Variants in RPS6KA5 observed in about 807,000 individuals in gnomAD.
RPS6KA5 encodes the protein ribosomal protein S6 kinase alpha-5.
Under a neutral mutation model 85.5 loss-of-function variants are expected in RPS6KA5, and 27 were observed. The ratio of observed to expected loss-of-function variants is 0.32; its 90% CI spans 0.23 to 0.44. The LOEUF is 0.44. Ranked by LOEUF, RPS6KA5 falls within the 20% of genes least tolerant of loss-of-function variation. RPS6KA5 has a pLI of 1.00. For synonymous variants in RPS6KA5, 334 were observed against 348.2 expected, an observed-to-expected ratio of 0.96 and a Z score of 0.46; for missense variants, 811 against 980.9, an observed-to-expected ratio of 0.83 and a Z score of 2.31.
chr14:90,951,286 A>T (rs2038170585), intron 3 of RPS6KA5, among the ~76,000 whole-genome samples: 1 of 152,080 alleles, frequency 6.6e-6, no homozygotes, highest in South Asian at 2.1e-4. Flanking sequence ...GATCGAGACC[A>T]TCCTGGCTAA....
chr14:91,049,705 T>C lies in RPS6KA5; in HGVS notation c.103+10627A>G, dbSNP rs957018138. On this transcript the variant is annotated intron_variant, in intron 1 of 16. Coordinates refer to ENST00000614987, the MANE Select transcript of RPS6KA5 (RefSeq NM_004755.4). Reference sequence around the variant, plus strand: ...ATATTCAGTATGCGTTGCTTAACAATGAGAACATGTTCTGAGAAACATCAT... The same window carrying C: ...ATATTCAGTATGCGTTGCTTAACAACGAGAACATGTTCTGAGAAACATCAT... 5.9e-5 allele frequency among the ~76,000 whole-genome samples: 9 copies of C among 152,270 alleles called. No individual in the cohort carries two copies. The South Asian group carries it at 6.2e-4, about 11-fold the overall frequency.
chr14:90,947,771 A>C (rs904861247), intron 3 of RPS6KA5, among the ~76,000 whole-genome samples: 3 of 152,226 alleles, frequency 2.0e-5, no homozygotes, highest in Non-Finnish European at 4.4e-5. Context: ...GTTTGCAAAG[A>C]GTATTGCCAT....
chr14:90,875,817 C>A (rs549521420), intron 14 of RPS6KA5, among the ~76,000 whole-genome samples: 113 of 149,742 alleles, frequency 7.5e-4, no homozygotes, highest in African/African-American at 2.6e-3. Context: ...AAACCAAACA[C>A]CACATGTTCT....
intron 14 of RPS6KA5, among the ~76,000 whole-genome samples, chr14:90,879,272 C>T (rs1278885702): frequency 1.4e-5 from 2 of 144,934 alleles, no homozygotes; most frequent in African/African-American, 4.9e-5. Context: ...AACGTGCTTA[C>T]ACACATGTCA....
At chr14:90,881,375 C>T (rs767127345) in intron 14 of RPS6KA5, among the ~76,000 whole-genome samples, 3 of 150,980 alleles carry the variant, frequency 2.0e-5, no homozygotes, top group Non-Finnish European at 4.4e-5. Context: ...ATTGCCTGAA[C>T]TCGGGAGGCA....
intron 1 of RPS6KA5, among the ~76,000 whole-genome samples, chr14:91,009,605 T>C (rs1320261936): frequency 6.6e-6 from 1 of 152,084 alleles, no homozygotes; most frequent in African/African-American, 2.4e-5. Flanking sequence ...ATCTAAAGCA[T>C]AAGAAATGCA....
chr14:90,998,081 T>C (rs1009955973), intron 2 of RPS6KA5, among the ~76,000 whole-genome samples: 15 of 150,668 alleles, frequency 1.0e-4, no homozygotes, highest in Non-Finnish European at 1.6e-4. Flanking sequence ...GAAAACATTA[T>C]GTTAAGTGAA....
At chr14:90,968,540 T>TAC (rs2039178251) in intron 3 of RPS6KA5, among the ~76,000 whole-genome samples, 1 of 152,144 alleles carries the variant, frequency 6.6e-6, no homozygotes, top group Non-Finnish European at 1.5e-5. Flanking sequence ...CTTAACATAC[T>TAC]ACAGTACAAC....
rs1334774898 is a variant in RPS6KA5 at position 91,001,095 on chromosome 14, T to G, written c.168A>C (p.Gly56=). 2 of 1,578,140 alleles carry G rather than the reference T, an allele frequency of 1.3e-6. No homozygotes were observed. The highest frequency in any genetic ancestry group is 1.4e-5 in the African/African-American group (1 of 73,408). Residue 56 remains glycine (G), a synonymous_variant, in exon 2 of 17, where the codon GGA becomes GGC. Coordinates refer to ENST00000614987, the MANE Select transcript of RPS6KA5 (RefSeq NM_004755.4). ...AATTAACTTAAGACTTACCTCCAGTTCCTAGGACCTTCAGGAGCTCAAAAT... is the reference window on the plus strand; with the variant it reads ...AATTAACTTAAGACTTACCTCCAGTGCCTAGGACCTTCAGGAGCTCAAAAT... ...IENFELLKVL[G]TGAYGKVFLV...
At chr14:90,979,479 T>C (rs917166950) in intron 2 of RPS6KA5, among the ~76,000 whole-genome samples, 5 of 152,248 alleles carry the variant, frequency 3.3e-5, no homozygotes, top group Admixed American at 1.3e-4. Flanking sequence ...CAGACCATTA[T>C]TGAGTTAGTT....
At chr14:90,973,510 T>A (rs150829270) in intron 3 of RPS6KA5, among the ~76,000 whole-genome samples, 224 of 150,550 alleles carry the variant, frequency 1.5e-3, no homozygotes, top group African/African-American at 4.8e-3. Flanking sequence ...AGCCTACAGG[T>A]TTTTTCCCCC....
chr14:90,903,949 A>ATTT (rs11453206), intron 8 of RPS6KA5, among the ~76,000 whole-genome samples: 5 of 146,058 alleles, frequency 3.4e-5, no homozygotes, highest in African/African-American at 5.0e-5. Flanking sequence ...ACTACCATAA[A>ATTT]TTTTTTTTTT....
chr14:90,946,305 C>A (rs1018844722), intron 4 of RPS6KA5, among the ~76,000 whole-genome samples: 14 of 25,452 alleles, frequency 5.5e-4, no homozygotes, highest in African/African-American at 3.5e-4. Flanking sequence ...GCCCCTCAAC[C>A]CCCCCATTAC....
intron 9 of RPS6KA5, among the ~76,000 whole-genome samples, chr14:90,900,986 T>C (rs917344694): frequency 6.6e-6 from 1 of 152,196 alleles, no homozygotes; most frequent in South Asian, 2.1e-4. Flanking sequence ...GAAAAAGACT[T>C]CTTCCCTATT....
intron 5 of RPS6KA5, among the ~76,000 whole-genome samples, chr14:90,936,435 G>A (rs1219265412): frequency 6.6e-6 from 1 of 152,124 alleles, no homozygotes; most frequent in Non-Finnish European, 1.5e-5. Flanking sequence ...ATAGTGGCAT[G>A]TGCCTGGAGT....
chr14:90,954,842 T>A (rs2038417157), intron 3 of RPS6KA5, among the ~76,000 whole-genome samples: 1 of 152,264 alleles, frequency 6.6e-6, no homozygotes, highest in South Asian at 2.1e-4. Context: ...TTATTTCATA[T>A]AAGTTATCCA....
chr14:90,990,938 C>A (rs2040281494), intron 2 of RPS6KA5, among the ~76,000 whole-genome samples: 1 of 152,096 alleles, frequency 6.6e-6, no homozygotes, highest in African/African-American at 2.4e-5. Context: ...ATGCTCACTA[C>A]CTAGGTGACA....
intron 14 of RPS6KA5, among the ~76,000 whole-genome samples, chr14:90,876,641 G>A (rs1330010725): frequency 6.6e-6 from 1 of 152,188 alleles, no homozygotes; most frequent in African/African-American, 2.4e-5. Flanking sequence ...GTGGTGGGTT[G>A]GCTGGTGTTA....
intron 3 of RPS6KA5, among the ~76,000 whole-genome samples, chr14:90,966,359 G>A (rs2039061570): frequency 6.6e-6 from 1 of 152,176 alleles, no homozygotes; most frequent in Admixed American, 6.5e-5. Context: ...TTACTTTAGA[G>A]GAAAGGATAA....
Sources: gnomAD v4.1 joint callset for allele counts (sites outside exome capture counted in the v4.1 genomes callset) on GRCh38, gnomAD v4.1.1 for gene constraint, MANE v1.5 for transcripts, NCBI Gene and HGNC (gene_info 2026-07-23, HGNC 2026-07-21) for gene names.